Variants in HS3ST3A1 observed in about 807,000 individuals in gnomAD.
HS3ST3A1 encodes the protein heparan sulfate-glucosamine 3-sulfotransferase 3A1.
HS3ST3A1 carries 19 observed loss-of-function variants against 25.7 expected under a neutral mutation model. That is an observed-to-expected ratio of 0.74 (90% CI 0.52 to 1.08). The LOEUF is 1.08. HS3ST3A1 is among the 50% of genes least tolerant of loss of function. The pLI, the probability that HS3ST3A1 is intolerant of heterozygous loss-of-function variation, is 0.00. For synonymous variants in HS3ST3A1, 226 were observed against 278.6 expected, an observed-to-expected ratio of 0.81 and a Z score of 1.88; for missense variants, 459 against 594.3, an observed-to-expected ratio of 0.77 and a Z score of 2.37.
intron 1 of HS3ST3A1, among the ~76,000 whole-genome samples, chr17:13,502,266 G>T (rs1332697475): frequency 6.6e-6 from 1 of 152,044 alleles, no homozygotes; most frequent in Non-Finnish European, 1.5e-5. Flanking sequence ...AGGAATTAAT[G>T]GTGGGAGTAC....
chr17:13,517,608 T>C (rs1906097918), intron 1 of HS3ST3A1, among the ~76,000 whole-genome samples: 1 of 152,186 alleles, frequency 6.6e-6, no homozygotes, highest in African/African-American at 2.4e-5. Flanking sequence ...GAGTCAGATA[T>C]AGAGAATGGG....
intron 1 of HS3ST3A1, among the ~76,000 whole-genome samples, chr17:13,499,356 T>G (rs1173424349): frequency 2.0e-5 from 3 of 152,246 alleles, no homozygotes; most frequent in Non-Finnish European, 4.4e-5. Flanking sequence ...CTGGAATTTC[T>G]CAGTGAAGGA....
At chr17:13,510,194 A>G (rs1336369364) in intron 1 of HS3ST3A1, among the ~76,000 whole-genome samples, 1 of 152,188 alleles carries the variant, frequency 6.6e-6, no homozygotes, top group African/African-American at 2.4e-5. Flanking sequence ...CCCCACATCT[A>G]GGCTGATCTG....
intron 1 of HS3ST3A1, among the ~76,000 whole-genome samples, chr17:13,535,639 G>T (rs1411241194): frequency 6.7e-6 from 1 of 149,066 alleles, no homozygotes; most frequent in Non-Finnish European, 1.5e-5. Flanking sequence ...AGGATCAACT[G>T]CATTTGTTAA....
chr17:13,553,249 T>G (rs1222458106), intron 1 of HS3ST3A1, among the ~76,000 whole-genome samples: 1 of 152,192 alleles, frequency 6.6e-6, no homozygotes, highest in Non-Finnish European at 1.5e-5. Context: ...AGAGGTGTTC[T>G]GTAAGTTCAC....
chr17:13,593,686 C>T (rs1171097580), intron 1 of HS3ST3A1, among the ~76,000 whole-genome samples: 1 of 152,170 alleles, frequency 6.6e-6, no homozygotes, highest in Non-Finnish European at 1.5e-5. Flanking sequence ...TTAGGCTTCT[C>T]CTGCCTTCTT....
chr17:13,543,826 T>A (rs1341405294), intron 1 of HS3ST3A1, among the ~76,000 whole-genome samples: 1 of 152,168 alleles, frequency 6.6e-6, no homozygotes, highest in Non-Finnish European at 1.5e-5. Flanking sequence ...ACCATCGATC[T>A]GGATTCCGAA....
At chr17:13,508,019 G>T (rs563142957) in intron 1 of HS3ST3A1, among the ~76,000 whole-genome samples, 2 of 152,280 alleles carry the variant, frequency 1.3e-5, no homozygotes, top group Admixed American at 1.3e-4. Context: ...CTTGTTGTTT[G>T]AATTGGCTTC....
At chr17:13,596,993 C>T (rs1424032172) in intron 1 of HS3ST3A1, among the ~76,000 whole-genome samples, 2 of 152,128 alleles carry the variant, frequency 1.3e-5, no homozygotes, top group Admixed American at 6.5e-5. Flanking sequence ...AGCTCCTAAA[C>T]TGTGAGCTGG....
intron 1 of HS3ST3A1, among the ~76,000 whole-genome samples, chr17:13,566,799 GA>G (rs112456950): frequency 0.06 from 9,011 of 150,988 alleles, 592 homozygotes; most frequent in African/African-American, 0.16. Context: ...GGAAGTTGCA[GA>G]AAAAAAAAGT....
chr17:13,533,758 G>A (rs548252068), intron 1 of HS3ST3A1, among the ~76,000 whole-genome samples: 4 of 152,182 alleles, frequency 2.6e-5, no homozygotes, highest in East Asian at 1.9e-4. Context: ...ATTTATTGTC[G>A]TCAAAGATCA....
At chr17:13,594,635 T>G (rs2142396155) in intron 1 of HS3ST3A1, among the ~76,000 whole-genome samples, 1 of 152,316 alleles carries the variant, frequency 6.6e-6, no homozygotes, top group East Asian at 1.9e-4. Flanking sequence ...TGGTATTCCT[T>G]TCAGTCATAG....
At chr17:13,513,944 G>T (rs1452152221) in intron 1 of HS3ST3A1, among the ~76,000 whole-genome samples, 1 of 151,976 alleles carries the variant, frequency 6.6e-6, no homozygotes, top group Non-Finnish European at 1.5e-5. Flanking sequence ...GTATATTAAA[G>T]TATATATTTT....
At chr17:13,552,041 G>C (rs953878171) in intron 1 of HS3ST3A1, among the ~76,000 whole-genome samples, 1 of 152,062 alleles carries the variant, frequency 6.6e-6, no homozygotes, top group African/African-American at 2.4e-5. Flanking sequence ...ATTGCTGTGT[G>C]ACTGGCAATT....
Position 13,524,020 on chromosome 17 carries a change from G to T in HS3ST3A1, c.600-27202C>A, listed in dbSNP as rs1383307958. Among the ~76,000 whole-genome samples the T allele has an allele frequency of 7.2e-5, 11 of 151,986 alleles. No homozygotes were observed. The East Asian group carries it at 1.7e-3, about 24-fold the overall frequency. ...GATAGGTATATAGTGTTATCATTTG[G>T]CTCTTACATACATGGTCTTTAGCTG... On this transcript the variant is annotated intron_variant, in intron 1 of 1. Transcript: ENST00000284110.
chr17:13,508,988 T>C (rs1905775557), intron 1 of HS3ST3A1, among the ~76,000 whole-genome samples: 1 of 151,522 alleles, frequency 6.6e-6, no homozygotes, highest in Non-Finnish European at 1.5e-5. Flanking sequence ...TTAGCCTAAG[T>C]GCCAATCTTG....
At chr17:13,595,878 A>G (rs1055069157) in intron 1 of HS3ST3A1, among the ~76,000 whole-genome samples, 1 of 151,318 alleles carries the variant, frequency 6.6e-6, no homozygotes, top group Non-Finnish European at 1.5e-5. Flanking sequence ...GTTGTTGTTG[A>G]TATCAGAGAG....
intron 1 of HS3ST3A1, among the ~76,000 whole-genome samples, chr17:13,563,019 T>C (rs1007427624): frequency 6.6e-6 from 1 of 151,260 alleles, no homozygotes; most frequent in African/African-American, 2.4e-5. Flanking sequence ...AAAGGGGCCC[T>C]AAACAAGATT....
chr17:13,585,712 C>A (rs542152687), intron 1 of HS3ST3A1, among the ~76,000 whole-genome samples: 1 of 151,946 alleles, frequency 6.6e-6, no homozygotes, highest in African/African-American at 2.4e-5. Context: ...CTGACACAAC[C>A]GTAGTGATCA....
Sources: gnomAD v4.1 joint callset for allele counts (sites outside exome capture counted in the v4.1 genomes callset) on GRCh38, gnomAD v4.1.1 for gene constraint, MANE v1.5 for transcripts, NCBI Gene and HGNC (gene_info 2026-07-23, HGNC 2026-07-21) for gene names.